The following AP3D1 variants were observed in gnomAD, a reference collection of about 807,000 sequenced individuals.
AP3D1 encodes the protein AP-3 complex subunit delta-1.
In AP3D1, 51 loss-of-function variants were observed where a neutral mutation model predicts 147.6. The observed-to-expected ratio is 0.35, with a 90% CI of 0.28 to 0.44. The LOEUF is 0.44. Ranked by LOEUF, AP3D1 falls within the 20% of genes least tolerant of loss-of-function variation. The pLI, the probability that AP3D1 is intolerant of heterozygous loss-of-function variation, is 1.00. For synonymous variants in AP3D1, 760 were observed against 663.0 expected (o/e 1.15, Z -2.25); for missense variants, 1,421 against 1,624.2 (o/e 0.87, Z 2.15).
intron 1 of AP3D1, among the ~76,000 whole-genome samples, chr19:2,150,053 G>A (rs1340537470): frequency 6.6e-6 from 1 of 152,232 alleles, no homozygotes; most frequent in Non-Finnish European, 1.5e-5. Context: ...GGTGGGGGCA[G>A]GCGAAGCCAC....
chr19:2,158,586 G>A (rs2019668276), intron 1 of AP3D1, among the ~76,000 whole-genome samples: 1 of 151,626 alleles, frequency 6.6e-6, no homozygotes, highest in Non-Finnish European at 1.5e-5. Context: ...AGGATTACAA[G>A]CCTGAGCCAC....
intron 14 of AP3D1, among the ~76,000 whole-genome samples, chr19:2,120,210 G>A (rs1419000921): frequency 6.6e-6 from 1 of 152,200 alleles, no homozygotes; most frequent in Non-Finnish European, 1.5e-5. Context: ...TGTGAGAACC[G>A]TGAGTCTCAG....
At chr19:2,118,483 G>A in intron 15 of AP3D1, 118 bp downstream of exon 15, 1 of 1,012,914 alleles carries the variant, frequency 9.9e-7, no homozygotes, top group South Asian at 1.6e-5. Context: ...GGCAACAAAA[G>A]AATCTCAGTG....
At chr19:2,134,079 C>A (rs1048869192) in intron 4 of AP3D1, among the ~76,000 whole-genome samples, 24 of 151,782 alleles carry the variant, frequency 1.6e-4, no homozygotes, top group Non-Finnish European at 3.5e-4. Context: ...CAGATGGCGA[C>A]AGAGTGAGAC....
chr19:2,144,125 T>C (rs1599492638), intron 1 of AP3D1, among the ~76,000 whole-genome samples: 2 of 150,142 alleles, frequency 1.3e-5, no homozygotes, highest in East Asian at 3.9e-4. Context: ...CAACAGTAAC[T>C]GAGTCAGGAA....
Position 2,112,861 on chromosome 19 carries a change from T to A in AP3D1, c.2786A>T (p.Lys929Met). 6.2e-7 allele frequency: 1 copy of A among 1,609,502 alleles called. No homozygotes were observed. The highest frequency in any genetic ancestry group is 8.5e-7 in the Non-Finnish European group (1 of 1,177,772). The change falls in exon 24 of 32, where the codon AAG becomes ATG. Residue 929 changes from lysine to methionine, a missense_variant and splice_region_variant. Around this residue, in one of 6 missense-constraint regions of AP3D1, gnomAD observed 791 missense variants for 761.4 expected, o/e 1.04. Coordinates refer to ENST00000643116, the MANE Select transcript of AP3D1 (RefSeq NM_001261826.3). ...EDDAEGQDQD[K>M]KSPKPKKKKH... ...CCCCTGGGGGAGTGACAGCCTCACC[T>A]TGTCCTGGTCTTGCCCCTCGGCATC...
In AP3D1 at chr19:2,110,168, T is replaced by C. The variant is rs993012003; in HGVS notation, c.3232A>G (p.Lys1078Glu). The change falls in exon 28 of 32, where the codon AAG becomes GAG. Residue 1078 changes from lysine to glutamate, a missense_variant. By Grantham distance (56) the Lys-to-Glu change is moderately conservative. Transcript: ENST00000643116. ...FTIQSIVMAQ[K>E]LKGTLSFIAK... ...ATGAAGGACAGGGTCCCCTTGAGCTTCTGCGCCATGACGATGCTCTGGATG... is the reference window on the plus strand; with the variant it reads ...ATGAAGGACAGGGTCCCCTTGAGCTCCTGCGCCATGACGATGCTCTGGATG... 2.4e-5 allele frequency: 38 copies of C among 1,612,898 alleles called. No homozygotes were observed. The highest frequency in any genetic ancestry group is 3.1e-5 in the Non-Finnish European group (37 of 1,179,972).
intron 31 of AP3D1, among the ~76,000 whole-genome samples, chr19:2,103,477 G>C (rs1435150711): frequency 6.6e-6 from 1 of 152,186 alleles, no homozygotes; most frequent in African/African-American, 2.4e-5. Flanking sequence ...GGGGTAACCA[G>C]AGCCCCCAGA....
chr19:2,111,178 G>A (rs1459124502), intron 26 of AP3D1, 107 bp downstream of exon 26: 15 of 1,407,794 alleles, frequency 1.1e-5, no homozygotes, highest in Middle Eastern at 4.8e-4. Flanking sequence ...CACAGGCCCT[G>A]GGTATACCAA....
chr19:2,113,307 C>G, intron 23 of AP3D1, 29 bp downstream of exon 23: 1 of 1,043,848 alleles, frequency 9.6e-7, no homozygotes, highest in East Asian at 5.5e-5. Context: ...GACACCGAGG[C>G]TGGCACTGGC....
intron 4 of AP3D1, among the ~76,000 whole-genome samples, chr19:2,133,795 C>T (rs2019009636): frequency 1.4e-5 from 2 of 147,496 alleles, no homozygotes; most frequent in South Asian, 2.5e-4. Context: ...AGCCACAGTG[C>T]GGGGCCAACT....
Position 2,118,785 on chromosome 19 carries a change from C to G in AP3D1, c.1529G>C (p.Arg510Thr). Residue 510 changes from arginine (R) to threonine (T), a missense_variant, in exon 15 of 32, where the codon AGA becomes ACA. Coordinates refer to ENST00000643116, the MANE Select transcript of AP3D1 (RefSeq NM_001261826.3). ...HHTLEAMLRPRVTTLPGHIQA... is the reference protein window; with the variant it reads ...HHTLEAMLRPTVTTLPGHIQA... ...GATGTGGCCTGGCAGCGTGGTGACT[C>G]TGGGCCGCAGCATGGCCTCCAAAGT... 6.2e-7 allele frequency: 1 copy of G among 1,613,786 alleles called. No homozygotes were observed. The highest frequency in any genetic ancestry group is 2.2e-5 in the East Asian group (1 of 44,878).
chr19:2,155,834 G>C (rs1413269483), upstream of AP3D1, among the ~76,000 whole-genome samples: 2 of 151,948 alleles, frequency 1.3e-5, no homozygotes, highest in African/African-American at 2.4e-5. Context: ...GGGCGGATCA[G>C]GAGGTCAGGA....
chr19:2,153,388 G>T (rs191680733), upstream of AP3D1, among the ~76,000 whole-genome samples: 1 of 141,920 alleles, frequency 7.0e-6, no homozygotes, highest in African/African-American at 2.7e-5. Context: ...AAGAAGTGGG[G>T]GGGGGGACCG....
chr19:2,116,186 G>T, intron 18 of AP3D1, 21 bp downstream of exon 18: 1 of 1,613,356 alleles, frequency 6.2e-7, no homozygotes. Context: ...TGAGGGACAG[G>T]CACCCGGGGA....
upstream of AP3D1, among the ~76,000 whole-genome samples, chr19:2,154,388 T>A (rs1486038742): frequency 6.6e-6 from 1 of 151,482 alleles, no homozygotes; most frequent in Non-Finnish European, 1.5e-5. Flanking sequence ...CAAGCGATTC[T>A]CCTGCCTCAG....
chr19:2,132,114 A>C (rs190362980), intron 5 of AP3D1, among the ~76,000 whole-genome samples: 43 of 152,166 alleles, frequency 2.8e-4, no homozygotes, highest in African/African-American at 8.4e-4. Context: ...GGCAAGGAGG[A>C]GTCAAGCTGT....
intron 14 of AP3D1, among the ~76,000 whole-genome samples, chr19:2,119,698 T>TC (rs974589946): frequency 8.9e-5 from 4 of 44,724 alleles, no homozygotes; most frequent in Admixed American, 3.4e-4. Context: ...AGACTCTGTC[T>TC]CAAAAAAAAA....
chr19:2,109,596 C>T, intron 29 of AP3D1: 1 of 521,310 alleles, frequency 1.9e-6, no homozygotes, highest in South Asian at 2.4e-5. Flanking sequence ...CAGGAGGAGC[C>T]TGCCCTGCTG....
Sources: allele counts gnomAD v4.1 joint callset (sites outside exome capture counted in the v4.1 genomes callset), GRCh38; gene constraint gnomAD v4.1.1; regional missense constraint gnomAD v4.1.1; transcripts MANE v1.5; gene names NCBI Gene and HGNC (gene_info 2026-07-23, HGNC 2026-07-21).